PITPNM3: variants seen among roughly 807,000 people sequenced by gnomAD.
The protein encoded by PITPNM3 is membrane-associated phosphatidylinositol transfer protein 3.
Under a neutral mutation model 102.0 loss-of-function variants are expected in PITPNM3, and 26 were observed. That is an observed-to-expected ratio of 0.25 (90% confidence interval 0.19 to 0.35). PITPNM3 has a LOEUF of 0.35. Among genes scored for constraint, PITPNM3 ranks in the 10% least tolerant of loss-of-function variants. The pLI, the probability that PITPNM3 is intolerant of heterozygous loss-of-function variation, is 1.00. For missense variants in PITPNM3, 1,083 were observed against 1,346.1 expected, an observed-to-expected ratio of 0.80 and a Z score of 3.06; for synonymous variants, 578 against 558.6, an observed-to-expected ratio of 1.03 and a Z score of -0.49.
chr17:6,457,972 C>G lies in PITPNM3; in HGVS notation c.2491-250G>C, dbSNP rs956005107. Among the ~76,000 whole-genome samples, 6 of 152,210 alleles carry G rather than the reference C, an allele frequency of 3.9e-5. No homozygotes were observed. Among genetic ancestry groups the G allele is most frequent in the Non-Finnish European group, 2.9e-5 (2 of 68,024 alleles). ...CACCATTTACCGGCCCCGCCTCCAACAGCAGTACACTCAGGTTAAGTAATA... is the reference window on the plus strand; with the variant it reads ...CACCATTTACCGGCCCCGCCTCCAAGAGCAGTACACTCAGGTTAAGTAATA... On this transcript the variant is annotated intron_variant, in intron 18 of 19. Coordinates refer to ENST00000262483, the MANE Select transcript of PITPNM3 (RefSeq NM_031220.4). This position sits in a 1 kb window ranked among gnomAD's most constrained non-coding sequence, Gnocchi z 4.7.
chr17:6,457,488 G>T lies in PITPNM3; in HGVS notation c.2619+106C>A. ...TTGTTGAATAAATGAATGAGCAAAT[G>T]GGGGAATGAACAAATGAATGAATGA... On this transcript the variant is annotated intron_variant, in intron 19 of 19. Transcript: ENST00000262483. The surrounding 1 kb of genome is among the most constrained non-coding windows in gnomAD (Gnocchi z 4.7). The T allele has an allele frequency of 6.5e-7, 1 of 1,545,516 alleles. No homozygotes were observed. Among genetic ancestry groups the T allele is most frequent in the Non-Finnish European group, 8.8e-7 (1 of 1,133,672 alleles).
chr17:6,452,511 C>G lies in PITPNM3; in HGVS notation c.*2827G>C, dbSNP rs998614148. ...AGCTGGATTGGGGGTCACAGAACTA[C>G]TCAAGGAGAGGCAGCAGCACCCCCT... On this transcript the variant is annotated 3_prime_UTR_variant, in exon 20 of 20. Transcript: ENST00000262483. 5 of 152,230 alleles carry G rather than the reference C, an allele frequency of 3.3e-5. No homozygotes were observed. Among genetic ancestry groups the G allele is most frequent in the Non-Finnish European group, 5.9e-5 (4 of 68,054 alleles). The allele number at this position is 152,230 out of a possible 1,614,324, so 9.4% of individuals were successfully genotyped here. A position where few individuals can be genotyped will look rare whatever the true frequency, so the allele number is the denominator to read the frequency against.
Position 6,468,272 on chromosome 17 carries a change from T to G in PITPNM3, c.1843A>C (p.Asn615His), listed in dbSNP as rs1392474609. Reference sequence around the variant, plus strand: ...TTACGAAGCCACTTCTCCCGGGGGTTGGCAGGACTCAGTGCTGCAGGGTCC... The same window carrying G: ...TTACGAAGCCACTTCTCCCGGGGGTGGGCAGGACTCAGTGCTGCAGGGTCC... ...RLDPAALSPA[N>H]PREKWLRKRT... The change falls in exon 14 of 20, where the codon AAC (asparagine) becomes CAC (histidine). Residue 615 changes from asparagine to histidine, a missense_variant. By Grantham distance (68) the Asn-to-His change is moderately conservative. Coordinates refer to ENST00000262483, the MANE Select transcript of PITPNM3 (RefSeq NM_031220.4). This position sits in a 1 kb window ranked among gnomAD's most constrained non-coding sequence, Gnocchi z 5.2. 1 of 1,613,902 alleles carries G rather than the reference T, an allele frequency of 6.2e-7. No homozygotes were observed. The highest frequency in any genetic ancestry group is 8.5e-7 in the Non-Finnish European group (1 of 1,180,020).
At position 6,455,451 on chromosome 17, in the gene PITPNM3, T is replaced by C; in HGVS notation, c.2812A>G (p.Asn938Asp). The C allele has an allele frequency of 6.2e-7, 1 of 1,604,408 alleles. No homozygotes were observed. Among genetic ancestry groups the C allele is most frequent in the Non-Finnish European group, 8.5e-7 (1 of 1,179,182 alleles). Residue 938 changes from asparagine (N) to aspartate (D), a missense_variant, in exon 20 of 20, where the codon AAC becomes GAC. Coordinates refer to ENST00000262483, the MANE Select transcript of PITPNM3 (RefSeq NM_031220.4). The stretch of plus-strand genomic sequence containing the variant: ...CTCTGGGCCCGCTCGGGCTTGGGGT[T>C]GGCGGCGGGCGGGTCGGGCTGCTGC... ...SVQQPDPPAA[N>D]PKPERAQSQP...
chr17:6,477,287 C>A (rs1597371978), intron 8 of PITPNM3, 74 bp from the exon 9 acceptor site: 1 of 1,506,610 alleles, frequency 6.6e-7, no homozygotes, highest in Non-Finnish European at 9.1e-7. Flanking sequence ...GTCTCCTCCC[C>A]CCAAGCACAA....
chr17:6,464,555 G>T, intron 15 of PITPNM3, 100 bp downstream of exon 15: 2 of 1,287,942 alleles, frequency 1.6e-6, no homozygotes, highest in South Asian at 1.3e-5. Context: ...ACCCCAGGCA[G>T]CTCGGCCCTC....
At position 6,454,333 on chromosome 17, in the gene PITPNM3, C is replaced by T. The variant is rs1020594310; in HGVS notation, c.*1005G>A. ...GGAGTAGGGATCCCTTCCCAGCCCA[C>T]CCAGAGAGGCTCCTTTAAGAGCCCC... is the stretch of plus-strand genomic sequence containing the variant. On this transcript the variant is annotated 3_prime_UTR_variant, in exon 20 of 20. Transcript: ENST00000262483. 2 of 152,166 alleles carry T rather than the reference C, an allele frequency of 1.3e-5. No individual in the cohort carries two copies. Among genetic ancestry groups the T allele is most frequent in the Non-Finnish European group, 2.9e-5 (2 of 68,054 alleles). 9.4% of individuals were successfully genotyped at this position (152,166 alleles called of 1,614,324 possible). A position where few individuals can be genotyped will look rare whatever the true frequency, so the allele number is the denominator to read the frequency against.
chr17:6,539,854 A>G (rs1255468077), intron 1 of PITPNM3, among the ~76,000 whole-genome samples: 1 of 152,238 alleles, frequency 6.6e-6, no homozygotes, highest in Non-Finnish European at 1.5e-5. Context: ...TAGTCAGCAA[A>G]GTCCTATTAT....
In PITPNM3 at chr17:6,483,696, C is replaced by T; in HGVS notation, c.408G>A (p.Gly136=). ...KTHVLLLVLH[G]GNILDTGAGD... ...CGGCACCCGTGTCCAGGATGTTTCC[C>T]CCATGCAGGACCAGCAGGAGGACAT... The change falls in exon 6 of 20, where the codon GGG becomes GGA. Residue 136 remains glycine (G), a synonymous_variant. Coordinates refer to ENST00000262483, the MANE Select transcript of PITPNM3 (RefSeq NM_031220.4). 6.2e-7 allele frequency: 1 copy of T among 1,614,056 alleles called. No homozygotes were observed. The highest frequency in any genetic ancestry group is 1.7e-5 in the Admixed American group (1 of 60,024).
rs369476782 is a variant in PITPNM3 at position 6,461,481 on chromosome 17, C to T, written c.2382G>A (p.Ser794=). Residue 794 remains serine (S), a synonymous_variant, in exon 18 of 20, where the codon TCG becomes TCA. Coordinates refer to ENST00000262483, the MANE Select transcript of PITPNM3 (RefSeq NM_031220.4). ...RPDMQKQRVV[S]WLSQHNFPQG... is the part of the protein sequence containing the mutation. ...GTGGGAAGTTGTGCTGGGACAGCCA[C>T]GACACCACCCGCTGCTTCTGCATGT... The T allele has an allele frequency of 1.7e-5, 27 of 1,614,094 alleles. No individual in the cohort carries two copies. The highest frequency in any genetic ancestry group is 1.6e-4 in the East Asian group (7 of 44,894).
At chr17:6,466,403 A>C (rs1447208642) in intron 14 of PITPNM3, among the ~76,000 whole-genome samples, 4 of 152,216 alleles carry the variant, frequency 2.6e-5, no homozygotes, top group African/African-American at 9.6e-5. Flanking sequence ...TGCCCTGGAG[A>C]CACTCAGCCA....
chr17:6,472,280 C>T lies in PITPNM3; in HGVS notation c.1429+377G>A, dbSNP rs1033379852. Among the ~76,000 whole-genome samples the T allele has an allele frequency of 6.6e-6, 1 of 152,182 alleles. No homozygotes were observed. The highest frequency in any genetic ancestry group is 1.5e-5 in the Non-Finnish European group (1 of 68,028). On this transcript the variant is annotated intron_variant, in intron 11 of 19. Coordinates refer to ENST00000262483, the MANE Select transcript of PITPNM3 (RefSeq NM_031220.4). This position sits in a 1 kb window ranked among gnomAD's most constrained non-coding sequence, Gnocchi z 4.1. The stretch of plus-strand genomic sequence containing the variant: ...TCTCTGGACCCTAATCAAAGGCCAC[C>T]TCTTCCATGAAGCCCACCAGGATGG...
intron 2 of PITPNM3, among the ~76,000 whole-genome samples, chr17:6,528,671 C>A (rs894298997): frequency 1.3e-5 from 2 of 152,126 alleles, no homozygotes; most frequent in Non-Finnish European, 2.9e-5. Flanking sequence ...ACACTCCCTG[C>A]CCCTCCGCCC....
At chr17:6,551,486 G>A (rs1281514857) in intron 1 of PITPNM3, among the ~76,000 whole-genome samples, 2 of 152,206 alleles carry the variant, frequency 1.3e-5, no homozygotes, top group East Asian at 1.9e-4. Flanking sequence ...TGCAATGCCC[G>A]TCCCAAGATA....
chr17:6,463,629 C>G (rs372680408), intron 17 of PITPNM3, 103 bp downstream of exon 17: 2 of 1,472,420 alleles, frequency 1.4e-6, no homozygotes, highest in Admixed American at 2.0e-5. Flanking sequence ...CCCCAGAGAC[C>G]GGTAGAATTC....
At chr17:6,476,087 G>A (rs969464912) in intron 9 of PITPNM3, among the ~76,000 whole-genome samples, 3 of 152,100 alleles carry the variant, frequency 2.0e-5, no homozygotes, top group East Asian at 1.9e-4. Flanking sequence ...CCATTCATTC[G>A]ACATTATATT....
intron 3 of PITPNM3, among the ~76,000 whole-genome samples, chr17:6,514,123 A>C (rs959968651): frequency 5.3e-5 from 8 of 152,246 alleles, no homozygotes; most frequent in African/African-American, 1.7e-4. Context: ...CAAAGTGAAT[A>C]AAAGACCTAA....
At chr17:6,529,883 C>T in intron 2 of PITPNM3, among the ~76,000 whole-genome samples, 1 of 141,606 alleles carries the variant, frequency 7.1e-6, no homozygotes, top group African/African-American at 2.5e-5. Context: ...CATCCCCAGA[C>T]ATGTTGGGGC....
chr17:6,495,993 T>A (rs1906786767), intron 4 of PITPNM3, among the ~76,000 whole-genome samples: 1 of 152,196 alleles, frequency 6.6e-6, no homozygotes, highest in Non-Finnish European at 1.5e-5. Flanking sequence ...AAAGCACCAG[T>A]AGGAGAACTG....
Sources: gnomAD v4.1 joint callset for allele counts (sites outside exome capture counted in the v4.1 genomes callset) on GRCh38, gnomAD v4.1.1 for gene constraint, Gnocchi (gnomAD v3.1) non-coding constraint, MANE v1.5 for transcripts, NCBI Gene and HGNC (gene_info 2026-07-23, HGNC 2026-07-21) for gene names.